Variants in TTBK1 observed in about 807,000 individuals in gnomAD.
TTBK1 encodes tau tubulin kinase 1, also known as tau-tubulin kinase 1.
In TTBK1, 34 loss-of-function variants were observed where a neutral mutation model predicts 108.5. The observed-to-expected ratio is 0.31, with a 90% CI of 0.24 to 0.42. The LOEUF is 0.42. TTBK1 is among the 10% of genes least tolerant of loss of function. The probability of loss-of-function intolerance (pLI) is 1.00; values close to 1 mark genes in which losing one functional copy is unlikely to be tolerated. For missense variants in TTBK1, 1,539 were observed against 1,826.0 expected, an observed-to-expected ratio of 0.84 and a Z score of 2.86; for synonymous variants, 809 against 795.1, an observed-to-expected ratio of 1.02 and a Z score of -0.29.
At position 43,263,121 on chromosome 6, in the gene TTBK1, G is replaced by A. The variant is rs767876680; in HGVS notation, c.1757G>A (p.Arg586Gln). ...PLPEEGEERR[R>Q]LGAEPTVRPR... ...CCCGAGGAGGGCGAAGAGCGGCGGC[G>A]GCTGGGGGCAGAGCCCACCGTCCGG... The change falls in exon 13 of 15, where the codon CGG becomes CAG. Residue 586 changes from arginine to glutamine, a missense_variant. Physicochemically the swap from Arg to Gln is conservative, Grantham distance 43 (BLOSUM62 1). Around this residue, in one of 5 missense-constraint regions of TTBK1, gnomAD observed 1,055 missense variants for 1,086.5 expected, o/e 0.97. Transcript: ENST00000259750. The surrounding 1 kb of genome is among the most constrained non-coding windows in gnomAD (Gnocchi z 4.7). 33 of 1,566,780 alleles carry A rather than the reference G, an allele frequency of 2.1e-5. No homozygotes were observed. The highest frequency in any genetic ancestry group is 1.8e-4 in the African/African-American group (13 of 74,000).
Position 43,265,941 on chromosome 6 carries a change from T to TC in TTBK1, c.1986+2592dup, listed in dbSNP as rs1333950472. 2.6e-5 allele frequency among the ~76,000 whole-genome samples: 4 copies of TC among 152,138 alleles called. No individual in the cohort carries two copies. Among genetic ancestry groups the TC allele is most frequent in the Non-Finnish European group, 5.9e-5 (4 of 68,020 alleles). ...CAGATTCCTACCTGTGTCCTGGGAC[T>TC]CATCCTCACTTTGGGGAATTCTGGC... On this transcript the variant is annotated intron_variant, in intron 13 of 14. Transcript: ENST00000259750. The surrounding 1 kb of genome is among the most constrained non-coding windows in gnomAD (Gnocchi z 4.1).
chr6:43,253,735 T>C lies in TTBK1; in HGVS notation c.471+27T>C. The C allele has an allele frequency of 6.3e-7, 1 of 1,598,800 alleles. No individual in the cohort carries two copies. The highest frequency in any genetic ancestry group is 8.5e-7 in the Non-Finnish European group (1 of 1,171,756). On this transcript the variant is annotated intron_variant, in intron 5 of 14. Coordinates refer to ENST00000259750, the MANE Select transcript of TTBK1 (RefSeq NM_032538.3). This position sits in a 1 kb window ranked among gnomAD's most constrained non-coding sequence, Gnocchi z 5.8. ...TGAGTACTGCCCCCACACGCCTCTC[T>C]GTTCCCTCCTCCAGAACACACCCCT...
chr6:43,255,641 C>T lies in TTBK1; in HGVS notation c.732C>T (p.Asp244=), dbSNP rs757097464. Residue 244 remains aspartate (D), a synonymous_variant, in exon 8 of 15, where the codon GAC becomes GAT. Transcript: ENST00000259750. The part of the protein sequence containing the change: ...VGQLPWRKIK[D]KEQVGMIKEK... ...AGCTGCCCTGGAGGAAGATCAAGGA[C>T]AAGGTGAGCCCCAGGCAGCTGGGTC... 2.4e-5 allele frequency: 38 copies of T among 1,614,112 alleles called. No individual in the cohort carries two copies. The Middle Eastern group carries it at 5.0e-4, about 21-fold the overall frequency.
Position 43,246,629 on chromosome 6 carries a change from G to C in TTBK1, c.-32G>C. On this transcript the variant is annotated 5_prime_UTR_variant, in exon 2 of 15. Coordinates refer to ENST00000259750, the MANE Select transcript of TTBK1 (RefSeq NM_032538.3). ...TAGGTAGATGGCCCCCTCAGGGCAG[G>C]CCCGGCGGACACCCCTCCCTCTGGC... The C allele has an allele frequency of 6.4e-7, 1 of 1,564,970 alleles. No individual in the cohort carries two copies. Among genetic ancestry groups the C allele is most frequent in the Non-Finnish European group, 8.7e-7 (1 of 1,149,420 alleles).
intron 1 of TTBK1, among the ~76,000 whole-genome samples, chr6:43,244,101 T>A (rs1193250051): frequency 6.6e-6 from 1 of 152,096 alleles, no homozygotes; most frequent in Non-Finnish European, 1.5e-5. Flanking sequence ...CCCCCTCAAC[T>A]GTGCCCAGAG....
chr6:43,270,868 T>C (rs1199204326), intron 13 of TTBK1: 2 of 985,368 alleles, frequency 2.0e-6, no homozygotes, highest in East Asian at 2.3e-4. Flanking sequence ...TCAGGACAAA[T>C]CCCAGGCGGG....
chr6:43,268,807 C>T (rs1777746718), intron 13 of TTBK1, among the ~76,000 whole-genome samples: 1 of 152,236 alleles, frequency 6.6e-6, no homozygotes, highest in South Asian at 2.1e-4. Context: ...CAAGAAATGA[C>T]TTCAGTTTGC....
rs777225212 is a variant in TTBK1, at chr6:43,269,772, T to C, written c.1986+6422T>C. On this transcript the variant is annotated intron_variant, in intron 13 of 14. Coordinates refer to ENST00000259750, the MANE Select transcript of TTBK1 (RefSeq NM_032538.3). The surrounding 1 kb of genome is among the most constrained non-coding windows in gnomAD (Gnocchi z 4.8). ...CCCTCACCCCGGCGGCGGCGGCTCC[T>C]CGGGCTCCTCCGGTTCCCTCATTCA... The C allele has an allele frequency of 1.3e-6, 2 of 1,588,884 alleles. No individual in the cohort carries two copies. Among genetic ancestry groups the C allele is most frequent in the Non-Finnish European group, 1.7e-6 (2 of 1,172,206 alleles).
rs757054590 is a variant in TTBK1 at position 43,262,758 on chromosome 6, G to A, written c.1425-31G>A. The A allele has an allele frequency of 3.3e-6, 5 of 1,506,964 alleles. No homozygotes were observed. In the African/African-American group the frequency reaches 6.9e-5, roughly 21 times the overall value. 93.3% of individuals were successfully genotyped at this position (1,506,964 alleles called of 1,614,324 possible). ...GTCCTTGGGGGTCCAGTGGGGCCAG[G>A]TATTGAGCCCCGTGAGGGGTGGCTT... On this transcript the variant is annotated intron_variant, in intron 12 of 14. Coordinates refer to ENST00000259750, the MANE Select transcript of TTBK1 (RefSeq NM_032538.3).
In TTBK1 at chr6:43,272,128, T is replaced by C. The variant is rs901652773; in HGVS notation, c.1986+8778T>C. ...TTGCCCTCTTCCCATCCACCCCAGG[T>C]AGTGGCAGGAGGTGAAGTGAAGGGA... On this transcript the variant is annotated intron_variant, in intron 13 of 14. Transcript: ENST00000259750. 4 of 985,242 alleles carry C rather than the reference T, an allele frequency of 4.1e-6. No individual in the cohort carries two copies. The African/African-American group carries it at 7.0e-5, about 17-fold the overall frequency. 61.0% of individuals were successfully genotyped at this position (985,242 alleles called of 1,614,324 possible).
Position 43,273,068 on chromosome 6 carries a change from A to C in TTBK1, c.1987-9659A>C, listed in dbSNP as rs1225463881. Among the ~76,000 whole-genome samples, 3 of 152,240 alleles carry C rather than the reference A, an allele frequency of 2.0e-5. No homozygotes were observed. The highest frequency in any genetic ancestry group is 4.4e-5 in the Non-Finnish European group (3 of 68,046). On this transcript the variant is annotated intron_variant, in intron 13 of 14. Coordinates refer to ENST00000259750, the MANE Select transcript of TTBK1 (RefSeq NM_032538.3). The surrounding 1 kb of genome is among the most constrained non-coding windows in gnomAD (Gnocchi z 4.2). ...TGCCAGGCAGCGATCTAAGCACTTT[A>C]CAAAATTAACTCATTTAAACCTCAT...
chr6:43,266,205 G>A (rs2150698647), intron 13 of TTBK1, among the ~76,000 whole-genome samples: 1 of 152,338 alleles, frequency 6.6e-6, no homozygotes, highest in South Asian at 2.1e-4. Context: ...AGCGGAGCTC[G>A]AGCTGTGCAC....
At chr6:43,274,820 A>T (rs1043077250) in intron 13 of TTBK1, among the ~76,000 whole-genome samples, 1 of 152,032 alleles carries the variant, frequency 6.6e-6, no homozygotes, top group Non-Finnish European at 1.5e-5. Context: ...CACACCATCC[A>T]GTGGGCGTCC....
intron 6 of TTBK1, 31 bp downstream of exon 6, chr6:43,254,682 G>A: frequency 6.6e-7 from 1 of 1,505,656 alleles, no homozygotes; most frequent in South Asian, 1.3e-5. Context: ...GAGGACAGTG[G>A]AGGACTCCCC....
At chr6:43,274,822 T>C (rs1777921123) in intron 13 of TTBK1, among the ~76,000 whole-genome samples, 1 of 151,954 alleles carries the variant, frequency 6.6e-6, no homozygotes, top group Admixed American at 6.6e-5. Flanking sequence ...CACCATCCAG[T>C]GGGCGTCCCA....
In TTBK1 at chr6:43,248,919, T is replaced by C. The variant is rs150195318; in HGVS notation, c.108+2151T>C. Among the ~76,000 whole-genome samples, 1,288 of 152,268 alleles carry C rather than the reference T, an allele frequency of 8.5e-3. 15 individuals are homozygous for C. The highest frequency in any genetic ancestry group is 0.029 in the African/African-American group (1,211 of 41,542). On this transcript the variant is annotated intron_variant, in intron 2 of 14. Transcript: ENST00000259750. ...AATGACTTAGTATTTGTTTTGAGCATTCACTGTTGCCAGGCATTGTGCAAA... is the reference window on the plus strand; with the variant it reads ...AATGACTTAGTATTTGTTTTGAGCACTCACTGTTGCCAGGCATTGTGCAAA...
Position 43,285,094 on chromosome 6 carries a change from A to G in TTBK1, c.3684A>G (p.Pro1228=). The G allele has an allele frequency of 6.8e-7, 1 of 1,480,382 alleles. No individual in the cohort carries two copies. 91.7% of individuals were successfully genotyped at this position (1,480,382 alleles called of 1,614,324 possible). A position where few individuals can be genotyped will look rare whatever the true frequency, so the allele number is the denominator to read the frequency against. Residue 1228 remains proline (P), a synonymous_variant, in exon 15 of 15, where the codon CCA becomes CCG. Coordinates refer to ENST00000259750, the MANE Select transcript of TTBK1 (RefSeq NM_032538.3). This position sits in a 1 kb window ranked among gnomAD's most constrained non-coding sequence, Gnocchi z 4.7. The part of the protein sequence containing the change: ...PGRAQAGARP[P]APRSPRLPAS... ...GAGCCCAAGCCGGAGCCAGGCCCCC[A>G]GCGCCGCGCAGCCCGCGCCTCCCCG...
rs889042259 is a variant in TTBK1 at position 43,273,874 on chromosome 6, G to A, written c.1987-8853G>A. Among the ~76,000 whole-genome samples the A allele has an allele frequency of 5.3e-5, 8 of 152,222 alleles. No homozygotes were observed. The highest frequency in any genetic ancestry group is 1.9e-4 in the African/African-American group (8 of 41,452). ...CATTTTGCAACCACTGTGAGCCTGAGGACTTCCTGCACCACCCTCTGTCCA... is the reference window on the plus strand; with the variant it reads ...CATTTTGCAACCACTGTGAGCCTGAAGACTTCCTGCACCACCCTCTGTCCA... On this transcript the variant is annotated intron_variant, in intron 13 of 14. Transcript: ENST00000259750. This position sits in a 1 kb window ranked among gnomAD's most constrained non-coding sequence, Gnocchi z 4.2.
At chr6:43,254,446 C>A in intron 5 of TTBK1, 101 bp from the exon 6 acceptor site, 1 of 772,030 alleles carries the variant, frequency 1.3e-6, no homozygotes, top group Non-Finnish European at 2.1e-6. Flanking sequence ...GAATGTGGGG[C>A]TGAAAGCCCT....
Sources: allele counts gnomAD v4.1 joint callset (sites outside exome capture counted in the v4.1 genomes callset), GRCh38; gene constraint gnomAD v4.1.1; regional missense constraint gnomAD v4.1.1; non-coding constraint Gnocchi (gnomAD v3.1); transcripts MANE v1.5; gene names NCBI Gene and HGNC (gene_info 2026-07-23, HGNC 2026-07-21).